Variants in EXD2 observed in about 807,000 individuals in gnomAD.
EXD2 encodes exonuclease 3'-5' domain-containing protein 2.
In EXD2, 40 loss-of-function variants were observed where a neutral mutation model predicts 62.5. The ratio of observed to expected loss-of-function variants is 0.64; its 90% CI spans 0.50 to 0.83. The LOEUF (loss-of-function observed/expected upper bound fraction) is 0.83. EXD2 is among the 40% of genes least tolerant of loss of function. EXD2 has a pLI of 0.00. For missense variants in EXD2, 671 were observed against 761.8 expected (o/e 0.88, Z 1.40); for synonymous variants, 239 against 291.9 (o/e 0.82, Z 1.85).
At chr14:69,199,494 ATTGTT>A (rs1292925059) in intron 1 of EXD2, among the ~76,000 whole-genome samples, 1 of 152,216 alleles carries the variant, frequency 6.6e-6, no homozygotes, top group Non-Finnish European at 1.5e-5. Context: ...AAACTTTTTA[ATTGTT>A]TTAACTTTTT....
At position 69,236,466 on chromosome 14, in the gene EXD2, G is replaced by A. The variant is rs146968535; in HGVS notation, c.1216G>A (p.Glu406Lys). The change falls in exon 8 of 10, where the codon GAA becomes AAA. Residue 406 changes from glutamate (E) to lysine (K), a missense_variant. By Grantham distance (56) the Glu-to-Lys change is moderately conservative. Transcript: ENST00000685843. Reference sequence around the variant, plus strand: ...ACGGTTTGAACCTGCAGGAAGGCCCGAATCTCCTGGAGACTATTACTTGAT... The same window carrying A: ...ACGGTTTGAACCTGCAGGAAGGCCCAAATCTCCTGGAGACTATTACTTGAT... ...KLRFEPAGRP[E>K]SPGDYYLMVK... 185 of 1,614,022 alleles carry A rather than the reference G, an allele frequency of 1.1e-4. No individual in the cohort carries two copies. The highest frequency in any genetic ancestry group is 1.5e-4 in the Non-Finnish European group (172 of 1,180,026).
chr14:69,208,445 C>T (rs372232235), intron 2 of EXD2, among the ~76,000 whole-genome samples: 1 of 148,442 alleles, frequency 6.7e-6, no homozygotes, highest in Non-Finnish European at 1.5e-5. Flanking sequence ...CTCCTGACCT[C>T]GTGATCCACC....
intron 2 of EXD2, among the ~76,000 whole-genome samples, chr14:69,207,425 C>T (rs1345808144): frequency 3.3e-5 from 5 of 151,924 alleles, no homozygotes; most frequent in African/African-American, 4.8e-5. Flanking sequence ...ACTCAGGAGG[C>T]GGATACTGCA....
chr14:69,229,324 C>T (rs2043485514), intron 4 of EXD2, among the ~76,000 whole-genome samples: 1 of 152,192 alleles, frequency 6.6e-6, no homozygotes, highest in South Asian at 2.1e-4. Context: ...GGTGGTCCCA[C>T]TGGCTAAATT....
chr14:69,220,160 C>T (rs1414427257), intron 3 of EXD2, among the ~76,000 whole-genome samples: 1 of 150,484 alleles, frequency 6.6e-6, no homozygotes, highest in Non-Finnish European at 1.5e-5. Flanking sequence ...TAAATGCCCT[C>T]CTCCTGTCTG....
chr14:69,234,651 T>C (rs1419574674), intron 5 of EXD2, 49 bp from the exon 6 acceptor site: 2 of 1,484,312 alleles, frequency 1.3e-6, no homozygotes, highest in East Asian at 2.3e-5. Context: ...GAAGTTTTTC[T>C]CTCTGGTTTG....
chr14:69,240,398 A>G (rs1439441060), intron 9 of EXD2, among the ~76,000 whole-genome samples: 1 of 152,238 alleles, frequency 6.6e-6, no homozygotes, highest in Non-Finnish European at 1.5e-5. Flanking sequence ...TTTTGTGAGA[A>G]AAAAGGCTCT....
At chr14:69,212,101 C>T (rs990133927) in intron 3 of EXD2, among the ~76,000 whole-genome samples, 6 of 152,152 alleles carry the variant, frequency 3.9e-5, no homozygotes, top group Non-Finnish European at 7.4e-5. Context: ...ATAGGCTGGG[C>T]GCGGTAGCCC....
At chr14:69,215,732 A>G (rs1392178243) in intron 3 of EXD2, among the ~76,000 whole-genome samples, 4 of 152,036 alleles carry the variant, frequency 2.6e-5, no homozygotes. Flanking sequence ...CCAGATTACT[A>G]ATGAAATTGA....
intron 1 of EXD2, among the ~76,000 whole-genome samples, chr14:69,199,595 T>TA (rs1048603517): frequency 1.4e-5 from 2 of 146,026 alleles, no homozygotes; most frequent in African/African-American, 5.0e-5. Context: ...CTTTTCAACT[T>TA]AAAATTTTTT....
intron 5 of EXD2, among the ~76,000 whole-genome samples, chr14:69,233,207 C>G (rs1451156796): frequency 1.3e-5 from 2 of 152,196 alleles, no homozygotes; most frequent in Middle Eastern, 6.8e-3. Context: ...GGGAAACAGT[C>G]TGCTAATAGA....
Position 69,236,041 on chromosome 14 carries a change from T to C in EXD2, c.1050-5T>C, listed in dbSNP as rs1051808755. The C allele has an allele frequency of 6.2e-7, 1 of 1,611,100 alleles. No individual in the cohort carries two copies. The highest frequency in any genetic ancestry group is 1.3e-5 in the African/African-American group (1 of 75,006). The stretch of plus-strand genomic sequence containing the variant: ...GTTTGAGATTTCTCTTTCCTTTCCC[T>C]GCAGAAAATCACCTCTTTATGATAA... On this transcript the variant is annotated splice_polypyrimidine_tract_variant and splice_region_variant and intron_variant, in intron 6 of 9. Transcript: ENST00000685843.
At chr14:69,230,399 A>T (rs1316101088) in intron 4 of EXD2, 73 bp from the exon 5 acceptor site, 1 of 974,600 alleles carries the variant, frequency 1.0e-6, no homozygotes, top group Non-Finnish European at 1.5e-6. Context: ...TTGGCCATTT[A>T]TATGTCTTTT....
intron 1 of EXD2, among the ~76,000 whole-genome samples, chr14:69,195,388 A>G (rs2102923): frequency 0.69 from 104,101 of 151,482 alleles, 36,451 homozygotes; most frequent in East Asian, 1. Context: ...ATAGAGATGA[A>G]GTTTCACCAT....
At chr14:69,222,682 T>TGATATA (rs1253032854) in intron 3 of EXD2, among the ~76,000 whole-genome samples, 1 of 149,352 alleles carries the variant, frequency 6.7e-6, no homozygotes, top group African/African-American at 2.4e-5. Context: ...TGTAAATGAA[T>TGATATA]GATATAGAGT....
intron 3 of EXD2, among the ~76,000 whole-genome samples, chr14:69,223,780 A>G (rs2043267099): frequency 1.3e-5 from 2 of 152,220 alleles, no homozygotes; most frequent in African/African-American, 2.4e-5. Context: ...AATTGGTGCA[A>G]TAAAGGCTGA....
Position 69,242,909 on chromosome 14 carries a change from A to C in EXD2, c.*1809A>C. 1 of 152,226 alleles carries C rather than the reference A, an allele frequency of 6.6e-6. No homozygotes were observed. The highest frequency in any genetic ancestry group is 1.9e-4 in the East Asian group (1 of 5,202). The allele number at this position is 152,226 out of a possible 1,614,324, so 9.4% of individuals were successfully genotyped here. A position where few individuals can be genotyped will look rare whatever the true frequency, so the allele number is the denominator to read the frequency against. ...TTTTAAGTCATTTTGATAGCTTTGC[A>C]AGAAAAATTTTTCCTTTGAAACAAG... On this transcript the variant is annotated 3_prime_UTR_variant, in exon 10 of 10. Transcript: ENST00000685843.
At chr14:69,193,060 C>CT (rs1555385968) in intron 1 of EXD2, among the ~76,000 whole-genome samples, 9,965 of 138,094 alleles carry the variant, frequency 0.072, 421 homozygotes, top group African/African-American at 0.088. Flanking sequence ...TTCTCTCTCT[C>CT]TTTTTTTTTT....
intron 3 of EXD2, chr14:69,224,225 C>T (rs2140289289): frequency 6.5e-6 from 1 of 152,686 alleles, no homozygotes; most frequent in African/African-American, 2.4e-5. Flanking sequence ...TGGTATCAAA[C>T]TCCTGGACTT....
Sources: allele counts gnomAD v4.1 joint callset (sites outside exome capture counted in the v4.1 genomes callset), GRCh38; gene constraint gnomAD v4.1.1; transcripts MANE v1.5; gene names NCBI Gene and HGNC (gene_info 2026-07-23, HGNC 2026-07-21).